The following PRKAR2B variants were observed in gnomAD, a reference collection of about 807,000 sequenced individuals.
PRKAR2B encodes the protein cAMP-dependent protein kinase type II-beta regulatory subunit.
In PRKAR2B, 14 loss-of-function variants were observed where a neutral mutation model predicts 49.9. The observed-to-expected ratio is 0.28, with a 90% CI of 0.19 to 0.44. The LOEUF (loss-of-function observed/expected upper bound fraction) is 0.44. PRKAR2B is among the 20% of genes least tolerant of loss of function. The pLI, the probability that PRKAR2B is intolerant of heterozygous loss-of-function variation, is 1.00. For missense variants in PRKAR2B, 393 were observed against 537.9 expected (o/e 0.73, Z 2.67); for synonymous variants, 196 against 197.7 (o/e 0.99, Z 0.07).
At chr7:107,147,239 A>ACCC (rs1015892761) in intron 6 of PRKAR2B, among the ~76,000 whole-genome samples, 5 of 152,248 alleles carry the variant, frequency 3.3e-5, no homozygotes, top group African/African-American at 4.8e-5. Flanking sequence ...TGAACCCGGG[A>ACCC]GGCGGAGCTT....
At chr7:107,090,392 A>G (rs1794714522) in intron 2 of PRKAR2B, among the ~76,000 whole-genome samples, 1 of 152,188 alleles carries the variant, frequency 6.6e-6, no homozygotes, top group South Asian at 2.1e-4. Flanking sequence ...ATCCCAGGAA[A>G]GCATTCTAAT....
In PRKAR2B at chr7:107,160,304, A is replaced by G. The variant is rs1027153141; in HGVS notation, c.*722A>G. 6.6e-5 allele frequency: 10 copies of G among 152,430 alleles called. No homozygotes were observed. The highest frequency in any genetic ancestry group is 5.9e-5 in the Non-Finnish European group (4 of 68,018). The allele number at this position is 152,430 out of a possible 1,614,324, so 9.4% of individuals were successfully genotyped here. A position where few individuals can be genotyped will look rare whatever the true frequency, so the allele number is the denominator to read the frequency against. ...AATGCATTTTTCCCTCATCAAGCAT[A>G]TATCTGCTTTTTTTTATTTTGCAAT... On this transcript the variant is annotated 3_prime_UTR_variant, in exon 11 of 11. Coordinates refer to ENST00000265717, the MANE Select transcript of PRKAR2B (RefSeq NM_002736.3).
intron 1 of PRKAR2B, among the ~76,000 whole-genome samples, chr7:107,046,151 A>G (rs767865355): frequency 4.9e-4 from 74 of 152,326 alleles, no homozygotes; most frequent in Non-Finnish European, 7.5e-4. Context: ...TAACACACCC[A>G]GACACACACC....
At chr7:107,059,696 ATGTGTGTGTGTGTGTGTG>A (rs10692192) in intron 1 of PRKAR2B, among the ~76,000 whole-genome samples, 1 of 149,558 alleles carries the variant, frequency 6.7e-6, no homozygotes, top group African/African-American at 2.5e-5. Context: ...GCTGTAGTGA[ATGTGTGTGTGTGTGTGTG>A]TGTGTATGTG....
intron 7 of PRKAR2B, among the ~76,000 whole-genome samples, chr7:107,152,600 T>A (rs1044560924): frequency 6.6e-6 from 1 of 152,254 alleles, no homozygotes; most frequent in African/African-American, 2.4e-5. Context: ...ATATTTGAAG[T>A]ATTTTGAGAG....
At chr7:107,057,293 A>G (rs992181434) in intron 1 of PRKAR2B, among the ~76,000 whole-genome samples, 36 of 151,548 alleles carry the variant, frequency 2.4e-4, no homozygotes, top group African/African-American at 6.8e-4. Context: ...CCACCTCCAT[A>G]CAATTTTATC....
intron 2 of PRKAR2B, among the ~76,000 whole-genome samples, chr7:107,114,692 G>T (rs1281305941): frequency 6.6e-6 from 1 of 151,786 alleles, no homozygotes; most frequent in African/African-American, 2.4e-5. Context: ...TTTAATAAGA[G>T]GAAAATACCA....
At chr7:107,114,781 G>A (rs1795241274) in intron 2 of PRKAR2B, among the ~76,000 whole-genome samples, 1 of 151,988 alleles carries the variant, frequency 6.6e-6, no homozygotes, top group Admixed American at 6.6e-5. Context: ...CTTCCCAATA[G>A]TGTCCTGAAC....
At chr7:107,140,820 AT>A in intron 4 of PRKAR2B, 26 bp from the exon 5 acceptor site, 1 of 1,528,550 alleles carries the variant, frequency 6.5e-7, no homozygotes. Flanking sequence ...AAACATAAAG[AT>A]TATATCCCAT....
intron 8 of PRKAR2B, among the ~76,000 whole-genome samples, chr7:107,155,778 A>G (rs1562873793): frequency 1.3e-5 from 2 of 152,210 alleles, no homozygotes; most frequent in African/African-American, 4.8e-5. Context: ...AGGAATATAA[A>G]TCATTCTGCT....
At chr7:107,076,464 G>A (rs1794398670) in intron 2 of PRKAR2B, among the ~76,000 whole-genome samples, 2 of 152,000 alleles carry the variant, frequency 1.3e-5, no homozygotes, top group Admixed American at 6.6e-5. Flanking sequence ...AGTTTTGAAG[G>A]TTATTCCTAA....
intron 2 of PRKAR2B, among the ~76,000 whole-genome samples, chr7:107,107,097 G>A (rs1795086058): frequency 6.6e-6 from 1 of 152,226 alleles, no homozygotes; most frequent in Non-Finnish European, 1.5e-5. Context: ...ATCATTTTGG[G>A]AGGCCGAGGT....
At chr7:107,117,249 G>A (rs1447563400) in intron 2 of PRKAR2B, among the ~76,000 whole-genome samples, 1 of 151,764 alleles carries the variant, frequency 6.6e-6, no homozygotes, top group Non-Finnish European at 1.5e-5. Flanking sequence ...TCCTTTGTAG[G>A]AGGGCGTTTC....
At chr7:107,130,553 C>A (rs1433624975) in intron 4 of PRKAR2B, among the ~76,000 whole-genome samples, 3 of 152,030 alleles carry the variant, frequency 2.0e-5, no homozygotes, top group African/African-American at 7.2e-5. Context: ...ATGCCAAACC[C>A]TTGAACATAG....
intron 2 of PRKAR2B, among the ~76,000 whole-genome samples, chr7:107,118,192 C>T (rs1401832039): frequency 1.3e-5 from 2 of 152,064 alleles, no homozygotes; most frequent in East Asian, 1.9e-4. Flanking sequence ...ATTTACTGAC[C>T]TCCTAATCTT....
chr7:107,063,414 A>G (rs1047106220), intron 1 of PRKAR2B, among the ~76,000 whole-genome samples: 1 of 152,224 alleles, frequency 6.6e-6, no homozygotes, highest in Non-Finnish European at 1.5e-5. Context: ...GGATACAGTA[A>G]TGAAGCAGAC....
At chr7:107,133,962 A>G (rs1256913642) in intron 4 of PRKAR2B, among the ~76,000 whole-genome samples, 1 of 152,136 alleles carries the variant, frequency 6.6e-6, no homozygotes, top group Non-Finnish European at 1.5e-5. Flanking sequence ...TGCAATGCAC[A>G]TACAAATATA....
At chr7:107,123,831 GTAT>G (rs1374198342) in intron 3 of PRKAR2B, among the ~76,000 whole-genome samples, 2 of 152,112 alleles carry the variant, frequency 1.3e-5, no homozygotes, top group Non-Finnish European at 2.9e-5. Flanking sequence ...TTTTGTTAAT[GTAT>G]TATATGTTTG....
At chr7:107,114,593 C>T (rs1010974338) in intron 2 of PRKAR2B, among the ~76,000 whole-genome samples, 11 of 148,168 alleles carry the variant, frequency 7.4e-5, no homozygotes, top group Non-Finnish European at 1.2e-4. Context: ...TGGTCTTGAA[C>T]TCCTGACTTT....
Sources: allele counts gnomAD v4.1 joint callset (sites outside exome capture counted in the v4.1 genomes callset), GRCh38; gene constraint gnomAD v4.1.1; transcripts MANE v1.5; gene names NCBI Gene and HGNC (gene_info 2026-07-23, HGNC 2026-07-21).